Variants in SERINC5 observed in about 807,000 individuals in gnomAD.
SERINC5 encodes serine incorporator 5, also known as chromosome 5 open reading frame 12.
Under a neutral mutation model 63.1 loss-of-function variants are expected in SERINC5, and 41 were observed. That is an observed-to-expected ratio of 0.65 (90% CI 0.51 to 0.84). SERINC5 has a LOEUF of 0.84. Among genes scored for constraint, SERINC5 ranks in the 40% least tolerant of loss-of-function variants. The pLI, the probability that SERINC5 is intolerant of heterozygous loss-of-function variation, is 0.00. For synonymous variants in SERINC5, 222 were observed against 215.2 expected, an observed-to-expected ratio of 1.03 and a Z score of -0.28; for missense variants, 523 against 573.0, an observed-to-expected ratio of 0.91 and a Z score of 0.89.
intron 1 of SERINC5, among the ~76,000 whole-genome samples, chr5:80,203,777 T>C (rs956109654): frequency 4.6e-5 from 7 of 152,154 alleles, no homozygotes; most frequent in African/African-American, 1.4e-4. Context: ...TTTTCAGTCA[T>C]ACCAGAGCTT....
Position 80,202,954 on chromosome 5 carries a change from A to C in SERINC5, c.127T>G (p.Phe43Val), listed in dbSNP as rs763540752. ...CAGCAGAGGACGACGACCAGAATGA[A>C]GTAGAGGGCGTACATGAAGCGGGTG... ...LSTRFMYALY[F>V]ILVVVLCCIM... The change falls in exon 2 of 12, where the codon TTC becomes GTC. Residue 43 changes from phenylalanine to valine, a missense_variant. Physicochemically the swap from Phe to Val is conservative, Grantham distance 50. Coordinates refer to ENST00000507668, the MANE Select transcript of SERINC5 (RefSeq NM_001174072.3). 1.2e-6 allele frequency: 2 copies of C among 1,613,826 alleles called. No individual in the cohort carries two copies. The highest frequency in any genetic ancestry group is 2.2e-5 in the South Asian group (2 of 91,064).
chr5:80,243,627 T>A (rs531573714), intron 1 of SERINC5, among the ~76,000 whole-genome samples: 2 of 151,888 alleles, frequency 1.3e-5, no homozygotes, highest in African/African-American at 4.8e-5. Context: ...CAAGCAAGGC[T>A]GGGCATGGTG....
chr5:80,232,986 G>A (rs1233792755), intron 1 of SERINC5, among the ~76,000 whole-genome samples: 2 of 152,188 alleles, frequency 1.3e-5, no homozygotes, highest in African/African-American at 4.8e-5. Flanking sequence ...GGAACTGGGA[G>A]TGACTGCTAA....
At chr5:80,204,038 G>C (rs980506038) in intron 1 of SERINC5, among the ~76,000 whole-genome samples, 1 of 152,202 alleles carries the variant, frequency 6.6e-6, no homozygotes, top group Non-Finnish European at 1.5e-5. Flanking sequence ...CATGTGCCTG[G>C]AGGGTGGTGC....
At chr5:80,249,353 A>G (rs560204668) in intron 1 of SERINC5, among the ~76,000 whole-genome samples, 3 of 152,034 alleles carry the variant, frequency 2.0e-5, no homozygotes, top group Non-Finnish European at 4.4e-5. Flanking sequence ...AAGGTAGAAG[A>G]CTATCTACAT....
downstream of SERINC5, among the ~76,000 whole-genome samples, chr5:80,138,278 G>A (rs1288877073): frequency 6.6e-6 from 1 of 151,958 alleles, no homozygotes; most frequent in Non-Finnish European, 1.5e-5. Context: ...ACTAGAGTTA[G>A]GAACCTGGCA....
chr5:80,132,081 G>A lies in SERINC5; in HGVS notation c.1238+14009C>T, dbSNP rs147389568. Among the ~76,000 whole-genome samples the A allele has an allele frequency of 4.2e-4, 64 of 152,236 alleles. 1 individual carries two copies. The highest frequency in any genetic ancestry group is 1.4e-3 in the African/African-American group (58 of 41,532). The stretch of plus-strand genomic sequence containing the variant: ...GCTTTCAAGCCAGCCAGTTGAAGCC[G>A]CGGACACCAGATAACAGAGATGAGC... On this transcript the variant is annotated intron_variant, in intron 11 of 12. Transcript: ENST00000509193.
chr5:80,198,431 T>G, intron 2 of SERINC5: 9 of 698,172 alleles, frequency 1.3e-5, no homozygotes, highest in Non-Finnish European at 1.6e-5. Flanking sequence ...CAGGCCACAT[T>G]CTGCAACCAA....
chr5:80,164,677 C>G (rs1269940581), intron 7 of SERINC5, among the ~76,000 whole-genome samples: 2 of 152,174 alleles, frequency 1.3e-5, no homozygotes, highest in African/African-American at 4.8e-5. Context: ...AGCCAACTCA[C>G]ACAGCCCTGA....
intron 9 of SERINC5, among the ~76,000 whole-genome samples, chr5:80,147,820 T>C (rs1024645275): frequency 6.6e-6 from 1 of 152,210 alleles, no homozygotes; most frequent in African/African-American, 2.4e-5. Flanking sequence ...TCCCTTCTCG[T>C]GCTTTGCTTT....
chr5:80,239,467 CTTTTTT>C (rs35238009), intron 1 of SERINC5, among the ~76,000 whole-genome samples: 2 of 133,952 alleles, frequency 1.5e-5, no homozygotes, highest in South Asian at 2.4e-4. Flanking sequence ...CACTGGGATT[CTTTTTT>C]TTTTTTTTTT....
At chr5:80,196,656 C>T (rs1023845091) in intron 2 of SERINC5, among the ~76,000 whole-genome samples, 3 of 152,274 alleles carry the variant, frequency 2.0e-5, no homozygotes, top group African/African-American at 7.2e-5. Context: ...CAAATGGATA[C>T]ATAAAATATG....
In SERINC5 at chr5:80,142,031, T is replaced by A. The variant is rs1745539663; in HGVS notation, c.*1632A>T. On this transcript the variant is annotated 3_prime_UTR_variant, in exon 12 of 12. Coordinates refer to ENST00000507668, the MANE Select transcript of SERINC5 (RefSeq NM_001174072.3). ...TTGGCACACAGAAGCCCAGCTTAGG[T>A]GGCACTCAATTCTGCCCAACTCATA... The A allele has an allele frequency of 1.0e-5, 10 of 985,408 alleles. No homozygotes were observed. The highest frequency in any genetic ancestry group is 1.2e-5 in the Non-Finnish European group (10 of 829,924). The allele number at this position is 985,408 out of a possible 1,614,324, so 61.0% of individuals were successfully genotyped here.
chr5:80,177,739 G>A, intron 3 of SERINC5, 147 bp downstream of exon 3: 1 of 669,836 alleles, frequency 1.5e-6, no homozygotes, highest in Non-Finnish European at 2.5e-6. Flanking sequence ...AACCATGTGG[G>A]TAAGTATCAA....
At chr5:80,213,245 C>CTAAAAAAAAAAAAAAA (rs1554069102) in intron 1 of SERINC5, among the ~76,000 whole-genome samples, 1 of 132,662 alleles carries the variant, frequency 7.5e-6, no homozygotes, top group Admixed American at 8.2e-5. Context: ...GACTGCATCT[C>CTAAAAAAAAAAAAAAA]AAAGAAAGAA....
chr5:80,185,945 G>C (rs961823918), intron 2 of SERINC5, among the ~76,000 whole-genome samples: 1 of 151,904 alleles, frequency 6.6e-6, no homozygotes, highest in Non-Finnish European at 1.5e-5. Flanking sequence ...TGGGCTCAGA[G>C]GCCTGACATT....
At position 80,255,778 on chromosome 5, in the gene SERINC5, C is replaced by A. The variant is rs4704654; in HGVS notation, c.27+118G>T. The A allele has an allele frequency of 4.3e-3, 4,702 of 1,098,570 alleles. 260 individuals carry two copies. The Admixed American group carries it at 0.083, about 19-fold the overall frequency. The allele number at this position is 1,098,570 out of a possible 1,614,324, so 68.1% of individuals were successfully genotyped here. On this transcript the variant is annotated intron_variant, in intron 1 of 11. Coordinates refer to ENST00000507668, the MANE Select transcript of SERINC5 (RefSeq NM_001174072.3). Reference sequence around the variant, plus strand: ...CCGCGGGGCCAGCCCGAGCGACCCACCCGGGCCCTACGTTCGGCCGCGGAG... The same window carrying A: ...CCGCGGGGCCAGCCCGAGCGACCCAACCGGGCCCTACGTTCGGCCGCGGAG...
At chr5:80,144,479 G>T (rs534264546) in intron 11 of SERINC5, among the ~76,000 whole-genome samples, 7 of 152,256 alleles carry the variant, frequency 4.6e-5, no homozygotes, top group African/African-American at 1.7e-4. Context: ...ATGTAAGAGG[G>T]TTCCAATTTC....
chr5:80,249,739 T>C (rs1345563191), intron 1 of SERINC5, among the ~76,000 whole-genome samples: 1 of 151,794 alleles, frequency 6.6e-6, no homozygotes, highest in Non-Finnish European at 1.5e-5. Context: ...GAGGCGGAGG[T>C]TGCAGTGAGC....
Sources: gnomAD v4.1 joint callset for allele counts (sites outside exome capture counted in the v4.1 genomes callset) on GRCh38, gnomAD v4.1.1 for gene constraint, MANE v1.5 for transcripts, NCBI Gene and HGNC (gene_info 2026-07-23, HGNC 2026-07-21) for gene names.